The following MIB1 variants were observed in gnomAD, a reference collection of about 807,000 sequenced individuals.
The protein encoded by MIB1 is MIB E3 ubiquitin protein ligase 1.
MIB1 carries 278 observed loss-of-function variants against 124.5 expected under a neutral mutation model. The observed-to-expected ratio is 2.23, with a 90% confidence interval of 2.02 to 2.47. The LOEUF (loss-of-function observed/expected upper bound fraction) is 2.47. Ranked by LOEUF, MIB1 falls within the 30% of genes most tolerant of loss-of-function variation. The pLI, the probability that MIB1 is intolerant of heterozygous loss-of-function variation, is 0.00. For synonymous variants in MIB1, 446 were observed against 429.4 expected, an observed-to-expected ratio of 1.04 and a Z score of -0.48; for missense variants, 957 against 1,254.4, an observed-to-expected ratio of 0.76 and a Z score of 3.58.
chr18:21,856,674 C>T (rs1464072507), intron 18 of MIB1, among the ~76,000 whole-genome samples: 1 of 152,114 alleles, frequency 6.6e-6, no homozygotes, highest in African/African-American at 2.4e-5. Context: ...ACACTTGTAC[C>T]TATGTAACAA....
intron 13 of MIB1, among the ~76,000 whole-genome samples, chr18:21,840,659 ATATATATT>A (rs1184783513): frequency 0.12 from 195 of 1,568 alleles, no homozygotes; most frequent in African/African-American, 0.23. Flanking sequence ...ATATATATAT[ATATATATT>A]TTTTTTTTTT....
chr18:21,747,297 A>G (rs2040922543), intron 1 of MIB1, among the ~76,000 whole-genome samples: 1 of 152,196 alleles, frequency 6.6e-6, no homozygotes, highest in Admixed American at 6.5e-5. Context: ...TGAGCTGAGG[A>G]CTTCAAGAAA....
chr18:21,786,087 A>G (rs144282027), intron 6 of MIB1, among the ~76,000 whole-genome samples: 4 of 150,660 alleles, frequency 2.7e-5, no homozygotes, highest in Admixed American at 6.6e-5. Context: ...GTCTTGGGGT[A>G]GTCTATTTGT....
chr18:21,837,591 A>G (rs1005913437), intron 12 of MIB1, among the ~76,000 whole-genome samples: 8 of 152,162 alleles, frequency 5.3e-5, no homozygotes, highest in African/African-American at 1.9e-4. Context: ...AATCCTCCAC[A>G]ACCCATTCTC....
chr18:21,744,538 C>T (rs921414670), intron 1 of MIB1, among the ~76,000 whole-genome samples: 2 of 152,140 alleles, frequency 1.3e-5, no homozygotes, highest in African/African-American at 4.8e-5. Flanking sequence ...TAGTGTCCTA[C>T]TAGTATTCTT....
chr18:21,849,470 T>C, intron 17 of MIB1, 82 bp downstream of exon 17: 1 of 758,002 alleles, frequency 1.3e-6, no homozygotes, highest in Non-Finnish European at 2.0e-6. Flanking sequence ...AATGACATCA[T>C]GCGTCTGTGT....
At position 21,724,725 on chromosome 18, in the gene MIB1, AAAATATATATATATATATAT is replaced by A. The variant is rs1326904935; in HGVS notation, n.167+19604_167+19623del. On this transcript the variant is annotated intron_variant and non_coding_transcript_variant, in intron 1 of 20. Transcript: ENST00000578646. ...GTCTCCCCCATCCAAAAAAAAAAAA[AAAATATATATATATATATAT>A]ATATATATATATATATATATATATA... 7.2e-4 allele frequency among the ~76,000 whole-genome samples: 31 copies of A among 42,838 alleles called. 2 individuals are homozygous for A. Among genetic ancestry groups the A allele is most frequent in the Non-Finnish European group, 1.0e-3 (22 of 21,736 alleles). The allele number at this position is 42,838 out of a possible 152,430, so 28.1% of individuals were successfully genotyped here.
Position 21,800,058 on chromosome 18 carries a change from G to T in MIB1, c.1371+84G>T, listed in dbSNP as rs374810978. The T allele has an allele frequency of 2.4e-4, 256 of 1,083,916 alleles. No homozygotes were observed. In the African/African-American group the frequency reaches 2.6e-3, roughly 11 times the overall value. 67.1% of individuals were successfully genotyped at this position (1,083,916 alleles called of 1,614,324 possible). A position where few individuals can be genotyped will look rare whatever the true frequency, so the allele number is the denominator to read the frequency against. ...TATCCTCAACAATTACTAAGATTTT[G>T]CCAGATGTGCTTCATTTATTTCTTC... is the stretch of plus-strand genomic sequence containing the variant. On this transcript the variant is annotated intron_variant, in intron 9 of 20. Coordinates refer to ENST00000261537, the MANE Select transcript of MIB1 (RefSeq NM_020774.4).
chr18:21,802,671 T>A (rs1421623888), intron 9 of MIB1, among the ~76,000 whole-genome samples: 1 of 152,206 alleles, frequency 6.6e-6, no homozygotes, highest in Non-Finnish European at 1.5e-5. Context: ...ATTCCTTAGA[T>A]GTCTGGTAAT....
At chr18:21,829,267 G>A (rs1233071137) in intron 12 of MIB1, 1 of 321,742 alleles carries the variant, frequency 3.1e-6, no homozygotes, top group Non-Finnish European at 5.9e-6. Flanking sequence ...ATTCTTGGTG[G>A]ACATAGACAT....
Position 21,857,239 on chromosome 18 carries a change from T to C in MIB1, c.2775T>C (p.Asp925=). 1.9e-6 allele frequency: 3 copies of C among 1,606,644 alleles called. No homozygotes were observed. The highest frequency in any genetic ancestry group is 2.6e-6 in the Non-Finnish European group (3 of 1,173,210). ...AAAGTTCAGAAGATGCCACTGATGA[T>C]ATCTGTAAGTCGATTGTCTTAAGCA... The part of the protein sequence containing the change: ...GGKSSEDATD[D]ISSGNIPVLQ... The change falls in exon 19 of 21, where the codon GAT becomes GAC. Residue 925 remains aspartate (D), a synonymous_variant. Coordinates refer to ENST00000261537, the MANE Select transcript of MIB1 (RefSeq NM_020774.4).
At chr18:21,818,634 A>G (rs2041851550) in intron 11 of MIB1, among the ~76,000 whole-genome samples, 1 of 151,976 alleles carries the variant, frequency 6.6e-6, no homozygotes, top group Non-Finnish European at 1.5e-5. Flanking sequence ...TGAGACCCCC[A>G]TCTCTACAAA....
At chr18:21,776,025 G>T (rs1002464326) in intron 4 of MIB1, among the ~76,000 whole-genome samples, 6 of 152,148 alleles carry the variant, frequency 3.9e-5, no homozygotes, top group Admixed American at 3.3e-4. Context: ...CCAGCACCAT[G>T]GGAGGCTAAA....
intron 10 of MIB1, among the ~76,000 whole-genome samples, chr18:21,810,340 A>G (rs1472373998): frequency 6.6e-6 from 1 of 152,124 alleles, no homozygotes; most frequent in Non-Finnish European, 1.5e-5. Context: ...ATATTCAATG[A>G]AATTCTGTCA....
intron 1 of MIB1, among the ~76,000 whole-genome samples, chr18:21,754,685 C>A (rs1009787576): frequency 6.6e-6 from 1 of 152,160 alleles, no homozygotes; most frequent in Non-Finnish European, 1.5e-5. Context: ...CTGAGATCTA[C>A]AGTAATGAAC....
At chr18:21,784,920 C>T (rs1225370796) in intron 6 of MIB1, among the ~76,000 whole-genome samples, 1 of 152,222 alleles carries the variant, frequency 6.6e-6, no homozygotes, top group East Asian at 1.9e-4. Context: ...GCCTAAACCT[C>T]TCCCCGTGAT....
In MIB1 at chr18:21,870,652, G is replaced by A. The variant is rs1229103371; in HGVS notation, c.*5986G>A. 6.6e-6 allele frequency: 1 copy of A among 152,014 alleles called. No individual in the cohort carries two copies. The highest frequency in any genetic ancestry group is 6.6e-5 in the Admixed American group (1 of 15,258). 9.4% of individuals were successfully genotyped at this position (152,014 alleles called of 1,614,324 possible). On this transcript the variant is annotated 3_prime_UTR_variant, in exon 21 of 21. Transcript: ENST00000261537. ...AGTAAATCATTAATTGTATGGTTTG[G>A]GGGTTATTTTATTTTCCATGTTAAT...
chr18:21,846,643 T>C (rs2042136799), intron 15 of MIB1, among the ~76,000 whole-genome samples: 2 of 152,194 alleles, frequency 1.3e-5, no homozygotes, highest in Non-Finnish European at 2.9e-5. Context: ...CTGTTGGGCT[T>C]AATTGACTTG....
chr18:21,730,542 T>A (rs928968757), intron 1 of MIB1, among the ~76,000 whole-genome samples: 1 of 152,066 alleles, frequency 6.6e-6, no homozygotes, highest in African/African-American at 2.4e-5. Context: ...CACTCCAGCC[T>A]GGGAGACAGA....
Sources: allele counts gnomAD v4.1 joint callset (sites outside exome capture counted in the v4.1 genomes callset), GRCh38; gene constraint gnomAD v4.1.1; transcripts MANE v1.5; gene names NCBI Gene and HGNC (gene_info 2026-07-23, HGNC 2026-07-21).